ROBO2: variants seen among roughly 807,000 people sequenced by gnomAD.
The protein encoded by ROBO2 is roundabout guidance receptor 2, also known as roundabout homolog 2.
A neutral mutation model predicts 160.8 loss-of-function variants in ROBO2; 53 were observed. The ratio of observed to expected loss-of-function variants is 0.33; its 90% confidence interval spans 0.26 to 0.41. The LOEUF (loss-of-function observed/expected upper bound fraction) is 0.41, where lower values mean the gene tolerates loss of function less well. Among genes scored for constraint, ROBO2 ranks in the 10% least tolerant of loss-of-function variants. The probability of loss-of-function intolerance (pLI) is 1.00; values close to 1 mark genes in which losing one functional copy is unlikely to be tolerated. For missense variants in ROBO2, 1,577 were observed against 1,722.4 expected, an observed-to-expected ratio of 0.92 and a Z score of 1.49; for synonymous variants, 664 against 611.7, an observed-to-expected ratio of 1.09 and a Z score of -1.26.
chr3:75,960,490 A>T (rs1437119479), intron 2 of ROBO2, among the ~76,000 whole-genome samples: 2 of 151,792 alleles, frequency 1.3e-5, no homozygotes, highest in African/African-American at 4.8e-5. Flanking sequence ...ATAATTTTAT[A>T]AAGATTATAG....
exon 1 of ROBO2, chr3:77,040,838 G>T: frequency 6.2e-7 from 1 of 1,613,960 alleles, no homozygotes; most frequent in South Asian, 1.1e-5. Flanking sequence ...TTATATGTTC[G>T]GGTTGATGGT....
At chr3:77,290,362 T>C (rs1345507479) in intron 2 of ROBO2, among the ~76,000 whole-genome samples, 3 of 75,172 alleles carry the variant, frequency 4.0e-5, no homozygotes, top group African/African-American at 1.2e-4. Flanking sequence ...GTTAAACGGG[T>C]AAGCTGAGGC....
chr3:77,433,827 A>C (rs1178631552), intron 2 of ROBO2, among the ~76,000 whole-genome samples: 1 of 151,966 alleles, frequency 6.6e-6, no homozygotes, highest in Non-Finnish European at 1.5e-5. Flanking sequence ...TTCTAAACCC[A>C]GTAATTCTTG....
At chr3:77,061,970 G>A (rs2066362970) in intron 1 of ROBO2, among the ~76,000 whole-genome samples, 2 of 151,990 alleles carry the variant, frequency 1.3e-5, no homozygotes, top group African/African-American at 2.4e-5. Context: ...TCCCTTTGAG[G>A]TGAGCAGGTA....
At chr3:77,509,719 G>A (rs1160551608) in intron 5 of ROBO2, among the ~76,000 whole-genome samples, 2 of 151,942 alleles carry the variant, frequency 1.3e-5, no homozygotes, top group Admixed American at 6.6e-5. Flanking sequence ...ATTTGATGCC[G>A]ATGAGAGACT....
chr3:77,149,455 C>A (rs1186270406), intron 2 of ROBO2, among the ~76,000 whole-genome samples: 2 of 152,184 alleles, frequency 1.3e-5, no homozygotes, highest in Non-Finnish European at 2.9e-5. Context: ...GCTTTCTTAG[C>A]AGGTGTCTTC....
intron 2 of ROBO2, among the ~76,000 whole-genome samples, chr3:76,088,397 T>C (rs1230506100): frequency 6.6e-6 from 1 of 152,040 alleles, no homozygotes; most frequent in Non-Finnish European, 1.5e-5. Context: ...GACTACTTTA[T>C]CTGACAATAG....
At chr3:77,603,344 A>T (rs969555955) in intron 20 of ROBO2, among the ~76,000 whole-genome samples, 7 of 152,200 alleles carry the variant, frequency 4.6e-5, no homozygotes, top group South Asian at 2.1e-4. Flanking sequence ...ATTTTATAAT[A>T]AAAAGATCAT....
chr3:76,927,950 A>G (rs1372759683), intron 2 of ROBO2, among the ~76,000 whole-genome samples: 1 of 152,182 alleles, frequency 6.6e-6, no homozygotes, highest in Non-Finnish European at 1.5e-5. Flanking sequence ...AAAAAATAAT[A>G]TTTTATCCAA....
intron 2 of ROBO2, among the ~76,000 whole-genome samples, chr3:76,309,787 A>G (rs1559742636): frequency 6.6e-6 from 1 of 152,176 alleles, no homozygotes; most frequent in Non-Finnish European, 1.5e-5. Flanking sequence ...ACGCCAATTC[A>G]CTTCAGGTGG....
chr3:76,725,773 G>A (rs970737719), intron 2 of ROBO2, among the ~76,000 whole-genome samples: 24 of 152,200 alleles, frequency 1.6e-4, no homozygotes, highest in African/African-American at 5.8e-4. Context: ...TACACTGAGG[G>A]CACTACTCTG....
intron 2 of ROBO2, among the ~76,000 whole-genome samples, chr3:76,555,351 AG>A (rs1157116610): frequency 1.4e-4 from 7 of 48,442 alleles, no homozygotes; most frequent in Non-Finnish European, 2.8e-4. Context: ...GAGGAAGAGT[AG>A]GAAGAGAGAA....
At chr3:77,537,316 C>T (rs2153639532) in intron 6 of ROBO2, among the ~76,000 whole-genome samples, 1 of 152,062 alleles carries the variant, frequency 6.6e-6, no homozygotes, top group Middle Eastern at 3.4e-3. Context: ...ATGAACCCTC[C>T]AAAATTAATC....
At position 76,823,663 on chromosome 3, in the gene ROBO2, A is replaced by C. The variant is rs1398075405; in HGVS notation, c.110-274351A>C. ...TATTAAAAATGGAAGCAATAGAAAG[A>C]GTAAAAACATCCCAGGCAAAGAGAA... On this transcript the variant is annotated intron_variant, in intron 2 of 26. Coordinates refer to the ROBO2 transcript ENST00000487694. Among the ~76,000 whole-genome samples, 9 of 152,306 alleles carry C rather than the reference A, an allele frequency of 5.9e-5. No homozygotes were observed. The East Asian group carries it at 1.7e-3, about 29-fold the overall frequency.
chr3:77,328,153 A>C, intron 2 of ROBO2, among the ~76,000 whole-genome samples: 2 of 146,108 alleles, frequency 1.4e-5, no homozygotes, highest in East Asian at 2.1e-4. Context: ...CTTCCCCCAC[A>C]CCCCTCTGCC....
At chr3:77,079,729 A>T (rs1002033217) in intron 1 of ROBO2, among the ~76,000 whole-genome samples, 9 of 152,306 alleles carry the variant, frequency 5.9e-5, no homozygotes, top group Admixed American at 2.6e-4. Context: ...GTTTGCTTAT[A>T]GGGGAATGTT....
intron 2 of ROBO2, among the ~76,000 whole-genome samples, chr3:75,939,551 A>G (rs1559769118): frequency 6.6e-6 from 1 of 152,272 alleles, no homozygotes; most frequent in Non-Finnish European, 1.5e-5. Flanking sequence ...AAATTAAAAT[A>G]GACAATGATT....
chr3:76,138,168 T>C (rs2071498503), intron 2 of ROBO2, among the ~76,000 whole-genome samples: 1 of 151,886 alleles, frequency 6.6e-6, no homozygotes, highest in South Asian at 2.1e-4. Context: ...CAAAAACTCA[T>C]AAAAATGTGA....
Position 76,311,339 on chromosome 3 carries a change from G to A in ROBO2, c.109+373737G>A, listed in dbSNP as rs553846912. The A allele has an allele frequency of 2.6e-5, 4 of 152,286 alleles. No homozygotes were observed. The East Asian group carries it at 5.8e-4, about 22-fold the overall frequency. The allele number at this position is 152,286 out of a possible 1,614,324, so 9.4% of individuals were successfully genotyped here. On this transcript the variant is annotated intron_variant, in intron 2 of 26. Coordinates refer to the ROBO2 transcript ENST00000487694. ...AATTACTAGGCTTGAACTTCTCTTC[G>A]TTTTGATGCTCTTCCTCTCTGGACC...
Sources: gnomAD v4.1 joint callset for allele counts (sites outside exome capture counted in the v4.1 genomes callset) on GRCh38, gnomAD v4.1.1 for gene constraint, MANE v1.5 for transcripts, NCBI Gene and HGNC (gene_info 2026-07-23, HGNC 2026-07-21) for gene names.